Variants in ATXN8OS observed in about 807,000 individuals in gnomAD.
ATXN8OS encodes the protein ATXN8 opposite strand (non-protein coding).
chr13:70,121,502 A>G (rs912170651), intron 2 of ATXN8OS, among the ~76,000 whole-genome samples: 3 of 152,204 alleles, frequency 2.0e-5, no homozygotes, highest in Non-Finnish European at 2.9e-5. Flanking sequence ...GTCAAAAGAA[A>G]GAAATGAATC....
At chr13:70,152,719 T>C (rs1327264070) in intron 4 of ATXN8OS, among the ~76,000 whole-genome samples, 1 of 152,146 alleles carries the variant, frequency 6.6e-6, no homozygotes, top group Non-Finnish European at 1.5e-5. Flanking sequence ...ATTATCTCTG[T>C]TTCAAATATT....
chr13:70,131,116 T>C, intron 3 of ATXN8OS: 2 of 398,464 alleles, frequency 5.0e-6, no homozygotes, highest in Non-Finnish European at 8.9e-6. Context: ...AATACATGTG[T>C]AAGAATATCC....
At chr13:70,140,636 A>G (rs980772368) in intron 3 of ATXN8OS, among the ~76,000 whole-genome samples, 2 of 151,926 alleles carry the variant, frequency 1.3e-5, no homozygotes, top group Non-Finnish European at 1.5e-5. Context: ...CCAATTATGT[A>G]TAACTCAGGA....
At chr13:70,154,662 C>T (rs1888914457) in intron 4 of ATXN8OS, among the ~76,000 whole-genome samples, 1 of 152,202 alleles carries the variant, frequency 6.6e-6, no homozygotes. Flanking sequence ...ATAATATCAT[C>T]TAATGTGCTC....
intron 3 of ATXN8OS, chr13:70,139,386 G>GCTTCTGCTT (rs1888670168): frequency 3.9e-6 from 1 of 253,760 alleles, no homozygotes; most frequent in Non-Finnish European, 6.4e-6. Flanking sequence ...TACTACTACT[G>GCTTCTGCTT]CTGCTGCTGC....
intron 2 of ATXN8OS, among the ~76,000 whole-genome samples, chr13:70,121,947 C>A (rs958478027): frequency 1.3e-5 from 2 of 151,944 alleles, no homozygotes; most frequent in Admixed American, 6.6e-5. Flanking sequence ...TGAAAGACAG[C>A]AGTGGCAGTT....
intron 4 of ATXN8OS, among the ~76,000 whole-genome samples, chr13:70,159,194 TCTCTC>T (rs1566618040): frequency 1.5e-4 from 20 of 135,766 alleles, no homozygotes; most frequent in South Asian, 8.9e-4. Flanking sequence ...TCTCTCTCTC[TCTCTC>T]ACTTTTTATT....
At chr13:70,162,728 T>C (rs1165479215) in intron 4 of ATXN8OS, among the ~76,000 whole-genome samples, 2 of 152,142 alleles carry the variant, frequency 1.3e-5, no homozygotes, top group East Asian at 3.8e-4. Flanking sequence ...ATGTTTTGTC[T>C]CTATAATTAG....
At chr13:70,156,242 T>TAA (rs201696103) in intron 4 of ATXN8OS, among the ~76,000 whole-genome samples, 1,740 of 103,144 alleles carry the variant, frequency 0.017, 16 homozygotes, top group South Asian at 0.028. Context: ...TGGGTGGGTA[T>TAA]GAGTGTGTGT....
intron 4 of ATXN8OS, among the ~76,000 whole-genome samples, chr13:70,153,856 T>C (rs1014092773): frequency 6.6e-6 from 1 of 151,868 alleles, no homozygotes; most frequent in African/African-American, 2.4e-5. Context: ...ATTTTTTTTC[T>C]TTCTATTTTT....
chr13:70,152,409 G>GTATACATA (rs1216447269), intron 4 of ATXN8OS, among the ~76,000 whole-genome samples: 3 of 151,440 alleles, frequency 2.0e-5, no homozygotes, highest in Admixed American at 6.6e-5. Context: ...ATACATACAA[G>GTATACATA]TATACATATA....
rs548145304 is a variant in ATXN8OS at position 70,109,107 on chromosome 13, A to T, written n.240+1088A>T. ...TCAAGGTATAACCTTCTAGTACATA[A>T]ATCATTGTATACTATGCATGGAAGA... On this transcript the variant is annotated intron_variant and non_coding_transcript_variant, in intron 1 of 4. Transcript: ENST00000678624. Among the ~76,000 whole-genome samples, 3 of 152,378 alleles carry T rather than the reference A, an allele frequency of 2.0e-5. No homozygotes were observed. The East Asian group carries it at 5.8e-4, about 29-fold the overall frequency.
chr13:70,122,813 G>A (rs1050554561), intron 2 of ATXN8OS, among the ~76,000 whole-genome samples: 1 of 151,720 alleles, frequency 6.6e-6, no homozygotes, highest in African/African-American at 2.4e-5. Flanking sequence ...TTAAATGAGA[G>A]GAATATTATA....
chr13:70,167,521 G>A (rs1274309785), intron 4 of ATXN8OS, among the ~76,000 whole-genome samples: 1 of 151,842 alleles, frequency 6.6e-6, no homozygotes, highest in Non-Finnish European at 1.5e-5. Context: ...GGTGTGGGGG[G>A]AGGGAGGAAG....
chr13:70,110,980 TTTAA>T (rs1336791501), intron 1 of ATXN8OS, among the ~76,000 whole-genome samples: 1 of 152,200 alleles, frequency 6.6e-6, no homozygotes, highest in Non-Finnish European at 1.5e-5. Context: ...ACAGAAACTA[TTTAA>T]TTATTCTAAC....
At chr13:70,116,246 G>A (rs1038657607) in intron 2 of ATXN8OS, among the ~76,000 whole-genome samples, 2 of 151,742 alleles carry the variant, frequency 1.3e-5, no homozygotes, top group Non-Finnish European at 2.9e-5. Flanking sequence ...TCAACAAATA[G>A]TAAGTGTATC....
At chr13:70,125,085 A>G (rs978505924) in intron 2 of ATXN8OS, among the ~76,000 whole-genome samples, 3 of 152,090 alleles carry the variant, frequency 2.0e-5, no homozygotes, top group Non-Finnish European at 4.4e-5. Flanking sequence ...GTTGTAAATT[A>G]TGGAGGTTTC....
intron 2 of ATXN8OS, among the ~76,000 whole-genome samples, chr13:70,119,414 T>C (rs1486464397): frequency 1.3e-5 from 2 of 152,108 alleles, no homozygotes; most frequent in Non-Finnish European, 2.9e-5. Flanking sequence ...TCTTATAAGA[T>C]TGTCTTTCTC....
At chr13:70,139,802 G>A (rs302017) in intron 3 of ATXN8OS, among the ~76,000 whole-genome samples, 131,411 of 152,200 alleles carry the variant, frequency 0.86, 56,965 homozygotes, top group East Asian at 1. Context: ...CCTTTATAAA[G>A]GTACCTTCTT....
Sources: allele counts gnomAD v4.1 joint callset (sites outside exome capture counted in the v4.1 genomes callset), GRCh38; gene constraint gnomAD v4.1.1; transcripts MANE v1.5; gene names NCBI Gene and HGNC (gene_info 2026-07-23, HGNC 2026-07-21).